The following CACNA1C variants were observed in gnomAD, a reference collection of about 807,000 sequenced individuals.
CACNA1C encodes the protein calcium voltage-gated channel subunit alpha1 C, also known as voltage-dependent L-type calcium channel subunit alpha-1C.
CACNA1C carries 30 observed loss-of-function variants against 229.0 expected under a neutral mutation model. The observed-to-expected ratio is 0.13, with a 90% CI of 0.10 to 0.18. The LOEUF is 0.18. Among genes scored for constraint, CACNA1C ranks in the 10% least tolerant of loss-of-function variants. The probability of loss-of-function intolerance (pLI) is 1.00; values close to 1 mark genes in which losing one functional copy is unlikely to be tolerated. For synonymous variants in CACNA1C, 1,114 were observed against 1,132.5 expected, an observed-to-expected ratio of 0.98 and a Z score of 0.33; for missense variants, 1,658 against 2,845.0, an observed-to-expected ratio of 0.58 and a Z score of 9.49.
chr12:2,162,928 T>C (rs2095971926), intron 3 of CACNA1C, among the ~76,000 whole-genome samples: 2 of 152,202 alleles, frequency 1.3e-5, no homozygotes, highest in Non-Finnish European at 2.9e-5. Context: ...GCCCCTCATT[T>C]GCCCATGCAC....
At chr12:2,660,403 AGT>A (rs2095647393) in intron 34 of CACNA1C, 1 of 152,420 alleles carries the variant, frequency 6.6e-6, no homozygotes, top group African/African-American at 2.4e-5. Context: ...TCCATCAGTG[AGT>A]AAACCCCTAA....
intron 9 of CACNA1C, among the ~76,000 whole-genome samples, chr12:2,539,883 C>T (rs1482916318): frequency 1.3e-5 from 2 of 151,460 alleles, no homozygotes; most frequent in African/African-American, 2.4e-5. Flanking sequence ...CATAAAGATG[C>T]AGGCAGGGTT....
At chr12:2,669,071 G>C (rs914730447) in intron 38 of CACNA1C, 36 bp downstream of exon 38, 17 of 1,394,216 alleles carry the variant, frequency 1.2e-5, no homozygotes, top group Non-Finnish European at 1.7e-5. Context: ...GAGACACTCA[G>C]AAGGTCTAGC....
intron 1 of CACNA1C, among the ~76,000 whole-genome samples, chr12:2,080,144 C>T (rs1259771143): frequency 6.6e-6 from 1 of 152,134 alleles, no homozygotes; most frequent in Non-Finnish European, 1.5e-5. Flanking sequence ...CACCTATAGT[C>T]CCAGCTCCCT....
At chr12:2,492,920 A>G (rs1390029875) in intron 6 of CACNA1C, among the ~76,000 whole-genome samples, 1 of 152,210 alleles carries the variant, frequency 6.6e-6, no homozygotes, top group East Asian at 1.9e-4. Flanking sequence ...ATAGAAATCA[A>G]TTACTAAGAT....
In CACNA1C at chr12:1,985,934, C is replaced by T. The variant is rs1046254802; in HGVS notation, c.139+14733C>T. On this transcript the variant is annotated intron_variant, in intron 1 of 46. Transcript: ENST00000682462. The stretch of plus-strand genomic sequence containing the variant: ...CACGCCATTCTCCTGCCTCAGCCTC[C>T]CAAGTAGCTGGGACTGCAGGTGCCT... 6.6e-5 allele frequency among the ~76,000 whole-genome samples: 10 copies of T among 152,172 alleles called. No individual in the cohort carries two copies. The East Asian group carries it at 1.9e-3, about 29-fold the overall frequency.
chr12:2,355,538 A>G (rs2154528572), intron 3 of CACNA1C, among the ~76,000 whole-genome samples: 1 of 152,278 alleles, frequency 6.6e-6, no homozygotes, highest in South Asian at 2.1e-4. Flanking sequence ...TAGAAATGAG[A>G]CTTGTCAAAA....
At chr12:2,004,099 C>G in intron 1 of CACNA1C, 2 of 805,818 alleles carry the variant, frequency 2.5e-6, no homozygotes, top group Non-Finnish European at 3.9e-6. Flanking sequence ...CTCCACAGAT[C>G]CGCCTTCCTT....
intron 1 of CACNA1C, among the ~76,000 whole-genome samples, chr12:2,013,577 T>C (rs1312949925): frequency 6.6e-6 from 1 of 152,152 alleles, no homozygotes; most frequent in Non-Finnish European, 1.5e-5. Flanking sequence ...ACCAGGAGCA[T>C]GATGCAAAAA....
intron 7 of CACNA1C, among the ~76,000 whole-genome samples, chr12:2,501,765 A>G (rs902636701): frequency 6.6e-6 from 1 of 152,166 alleles, no homozygotes; most frequent in Non-Finnish European, 1.5e-5. Flanking sequence ...TCAGACAGTT[A>G]CCTTATCGCT....
chr12:2,494,329 C>G (rs554556006), intron 7 of CACNA1C, among the ~76,000 whole-genome samples: 5 of 152,192 alleles, frequency 3.3e-5, no homozygotes, highest in African/African-American at 1.2e-4. Flanking sequence ...TGAGCTGTCT[C>G]GATTCTGGCA....
At chr12:2,465,499 A>G (rs1416566086) in intron 5 of CACNA1C, among the ~76,000 whole-genome samples, 1 of 152,184 alleles carries the variant, frequency 6.6e-6, no homozygotes, top group East Asian at 1.9e-4. Context: ...TTAGGTCACC[A>G]ATGTGGGCCA....
chr12:2,059,495 C>A (rs1462440017), intron 1 of CACNA1C, among the ~76,000 whole-genome samples: 1 of 151,660 alleles, frequency 6.6e-6, no homozygotes, highest in Non-Finnish European at 1.5e-5. Flanking sequence ...CGGGGGTTAA[C>A]TGGCAAGAAA....
intron 9 of CACNA1C, among the ~76,000 whole-genome samples, chr12:2,523,249 C>G (rs1468350136): frequency 6.6e-6 from 1 of 152,084 alleles, no homozygotes; most frequent in Non-Finnish European, 1.5e-5. Flanking sequence ...GAAGTTATGG[C>G]ATTATCTTGC....
At chr12:2,682,824 TCTC>T (rs769498050) in intron 43 of CACNA1C, 146 bp downstream of exon 43, 2 of 374,236 alleles carry the variant, frequency 5.3e-6, no homozygotes, top group Admixed American at 8.9e-5. Context: ...GCCTCTTTCA[TCTC>T]CTCAGTGAAA....
At chr12:2,049,960 T>C (rs534935759), upstream of CACNA1C, among the ~76,000 whole-genome samples, 1 of 152,276 alleles carries the variant, frequency 6.6e-6, no homozygotes, top group African/African-American at 2.4e-5. Flanking sequence ...AGAACACATT[T>C]CACAGCTGAA....
intron 1 of CACNA1C, among the ~76,000 whole-genome samples, chr12:1,999,423 G>T (rs1294859414): frequency 6.6e-6 from 1 of 152,138 alleles, no homozygotes; most frequent in African/African-American, 2.4e-5. Context: ...TATAAATAAA[G>T]AATTTAGACC....
At position 2,602,892 on chromosome 12, in the gene CACNA1C, G is replaced by T. The variant is rs998650425; in HGVS notation, c.2960+932G>T. Reference sequence around the variant, plus strand: ...TCTGTGGTCCTCACACACACAAAACGATGGGGGAGACGGGGCAAGTGTTAT... The same window carrying T: ...TCTGTGGTCCTCACACACACAAAACTATGGGGGAGACGGGGCAAGTGTTAT... On this transcript the variant is annotated intron_variant, in intron 22 of 46. Transcript: ENST00000399655. The surrounding 1 kb of genome is among the most constrained non-coding windows in gnomAD (Gnocchi z 4.4). Among the ~76,000 whole-genome samples the T allele has an allele frequency of 1.3e-5, 2 of 152,112 alleles. No homozygotes were observed. The highest frequency in any genetic ancestry group is 3.8e-4 in the East Asian group (2 of 5,200).
chr12:2,505,671 A>G (rs766972948), intron 8 of CACNA1C, among the ~76,000 whole-genome samples: 20 of 152,194 alleles, frequency 1.3e-4, no homozygotes, highest in Admixed American at 1.0e-3. Context: ...TGGTAGAAGT[A>G]GCACGTGGTT....
Sources: allele counts gnomAD v4.1 joint callset (sites outside exome capture counted in the v4.1 genomes callset), GRCh38; gene constraint gnomAD v4.1.1; non-coding constraint Gnocchi (gnomAD v3.1); transcripts MANE v1.5; gene names NCBI Gene and HGNC (gene_info 2026-07-23, HGNC 2026-07-21).